Variants in ATG10 observed in about 807,000 individuals in gnomAD.
ATG10 encodes the protein ubiquitin-like-conjugating enzyme ATG10.
ATG10 carries 30 observed loss-of-function variants against 32.1 expected under a neutral mutation model. That is an observed-to-expected ratio of 0.94 (90% confidence interval 0.70 to 1.27). The LOEUF is 1.27. ATG10 is among the 50% of genes most tolerant of loss of function. ATG10 has a pLI of 0.00. For synonymous variants in ATG10, 87 were observed against 91.5 expected, an observed-to-expected ratio of 0.95 and a Z score of 0.28; for missense variants, 233 against 262.3, an observed-to-expected ratio of 0.89 and a Z score of 0.77.
chr5:82,017,116 T>C (rs1762309897), intron 2 of ATG10, among the ~76,000 whole-genome samples: 1 of 152,162 alleles, frequency 6.6e-6, no homozygotes, highest in South Asian at 2.1e-4. Context: ...TAGAGATCTT[T>C]CACCTCCTTG....
chr5:82,147,504 ATAATGT>A (rs1767410424), intron 3 of ATG10: 1 of 151,724 alleles, frequency 6.6e-6, no homozygotes, highest in Non-Finnish European at 1.5e-5. Flanking sequence ...TAAAAAAAAA[ATAATGT>A]TGATGTTTTC....
At chr5:82,120,321 G>A (rs1765996395) in intron 3 of ATG10, among the ~76,000 whole-genome samples, 1 of 152,172 alleles carries the variant, frequency 6.6e-6, no homozygotes, top group East Asian at 1.9e-4. Flanking sequence ...TCAGGTTGGA[G>A]CCACTGATGT....
At chr5:81,972,534 C>T (rs1466476589) in intron 1 of ATG10, 1 of 152,050 alleles carries the variant, frequency 6.6e-6, no homozygotes, top group African/African-American at 2.4e-5. Flanking sequence ...GGACCCGGTC[C>T]CCGTCGCGCA....
chr5:82,114,547 T>C (rs1227801566), intron 3 of ATG10, among the ~76,000 whole-genome samples: 2 of 152,068 alleles, frequency 1.3e-5, no homozygotes, highest in African/African-American at 4.8e-5. Context: ...TAAGGGTAGC[T>C]TGGGAACCTA....
intron 2 of ATG10, among the ~76,000 whole-genome samples, chr5:82,051,352 G>C (rs961311292): frequency 4.6e-5 from 7 of 152,114 alleles, no homozygotes; most frequent in Non-Finnish European, 1.0e-4. Context: ...TGTAACTCCA[G>C]CCCTTTCCCC....
At chr5:82,020,527 G>A (rs1762406526) in intron 2 of ATG10, among the ~76,000 whole-genome samples, 1 of 152,176 alleles carries the variant, frequency 6.6e-6, no homozygotes, top group African/African-American at 2.4e-5. Context: ...TTTCTCGGAA[G>A]TCTGCAAATT....
chr5:82,016,354 T>G (rs906423897), intron 2 of ATG10, among the ~76,000 whole-genome samples: 2 of 152,190 alleles, frequency 1.3e-5, no homozygotes, highest in Non-Finnish European at 2.9e-5. Context: ...TTTCCCCACT[T>G]TATTTTGTTT....
intron 5 of ATG10, among the ~76,000 whole-genome samples, chr5:82,215,959 G>T (rs1223521801): frequency 1.3e-5 from 2 of 151,432 alleles, no homozygotes; most frequent in African/African-American, 4.9e-5. Context: ...AATCCAATTT[G>T]TTACATTGTA....
chr5:82,161,765 A>G (rs1024108336), intron 3 of ATG10, among the ~76,000 whole-genome samples: 2 of 150,888 alleles, frequency 1.3e-5, no homozygotes, highest in Admixed American at 6.6e-5. Context: ...TCAATGGAAG[A>G]AAGATGAACT....
At chr5:81,998,723 A>G (rs926952725) in intron 2 of ATG10, among the ~76,000 whole-genome samples, 2 of 152,202 alleles carry the variant, frequency 1.3e-5, no homozygotes, top group African/African-American at 4.8e-5. Flanking sequence ...AACAGAAAAA[A>G]GCAGGGGTTG....
intron 3 of ATG10, among the ~76,000 whole-genome samples, chr5:82,058,871 AATT>A (rs1248550845): frequency 6.6e-6 from 1 of 152,178 alleles, no homozygotes; most frequent in East Asian, 1.9e-4. Flanking sequence ...TGAAAGCAAG[AATT>A]GTGGTAAAGT....
intron 2 of ATG10, among the ~76,000 whole-genome samples, chr5:82,019,536 C>G (rs1431611165): frequency 1.3e-5 from 2 of 152,158 alleles, no homozygotes; most frequent in African/African-American, 4.8e-5. Flanking sequence ...CCTACAGAGA[C>G]TGCCCTGGGG....
intron 5 of ATG10, among the ~76,000 whole-genome samples, chr5:82,224,976 T>C (rs1378871525): frequency 6.6e-6 from 1 of 152,218 alleles, no homozygotes; most frequent in Non-Finnish European, 1.5e-5. Flanking sequence ...CTTACATGAA[T>C]GCTGAAATTA....
At chr5:81,980,018 T>C (rs1337774225) in intron 1 of ATG10, among the ~76,000 whole-genome samples, 1 of 152,146 alleles carries the variant, frequency 6.6e-6, no homozygotes, top group Non-Finnish European at 1.5e-5. Context: ...GAGGATCTTA[T>C]GTGCTTATAC....
chr5:82,202,707 A>G (rs1400151288), intron 5 of ATG10, among the ~76,000 whole-genome samples: 2 of 152,156 alleles, frequency 1.3e-5, no homozygotes, highest in Non-Finnish European at 2.9e-5. Flanking sequence ...GTTCCGTGTG[A>G]CTAGTACTAC....
chr5:82,128,125 GC>G (rs1439796524), intron 3 of ATG10, among the ~76,000 whole-genome samples: 3 of 150,898 alleles, frequency 2.0e-5, no homozygotes, highest in African/African-American at 7.3e-5. Context: ...TTGTTTTTTT[GC>G]CTTCCATTTG....
At chr5:82,106,598 A>G (rs1270850491) in intron 3 of ATG10, among the ~76,000 whole-genome samples, 1 of 152,122 alleles carries the variant, frequency 6.6e-6, no homozygotes, top group Non-Finnish European at 1.5e-5. Context: ...CTAAAAGCAT[A>G]TAAAACAAGA....
intron 5 of ATG10, among the ~76,000 whole-genome samples, chr5:82,229,168 C>T (rs1308299279): frequency 6.6e-6 from 1 of 152,192 alleles, no homozygotes; most frequent in Non-Finnish European, 1.5e-5. Context: ...GAGTGGACCC[C>T]TCTCCTGAGG....
intron 3 of ATG10, among the ~76,000 whole-genome samples, chr5:82,113,964 A>G (rs1561305023): frequency 6.6e-6 from 1 of 152,072 alleles, no homozygotes; most frequent in Middle Eastern, 3.4e-3. Context: ...GTTTTTTGGC[A>G]TACATAATTT....
Sources: gnomAD v4.1 joint callset for allele counts (sites outside exome capture counted in the v4.1 genomes callset) on GRCh38, gnomAD v4.1.1 for gene constraint, MANE v1.5 for transcripts, NCBI Gene and HGNC (gene_info 2026-07-23, HGNC 2026-07-21) for gene names.